The following TMEM108 variants were observed in gnomAD, a reference collection of about 807,000 sequenced individuals.
TMEM108 encodes the protein transmembrane protein 108.
In TMEM108, 12 loss-of-function variants were observed where a neutral mutation model predicts 35.1. The ratio of observed to expected loss-of-function variants is 0.34; its 90% confidence interval spans 0.22 to 0.55. TMEM108 has a LOEUF of 0.55. TMEM108 is among the 20% of genes least tolerant of loss of function. TMEM108 has a pLI of 0.89. For synonymous variants in TMEM108, 287 were observed against 308.6 expected (o/e 0.93, Z 0.73); for missense variants, 680 against 753.3 (o/e 0.90, Z 1.14).
At chr3:133,229,383 A>C in intron 3 of TMEM108, 32 bp downstream of exon 3, 1 of 1,606,066 alleles carries the variant, frequency 6.2e-7, no homozygotes, top group Non-Finnish European at 8.5e-7. Context: ...TCTTTCCTAA[A>C]ATATACTAAT....
chr3:133,191,091 A>T (rs1333173047), intron 2 of TMEM108, among the ~76,000 whole-genome samples: 1 of 152,172 alleles, frequency 6.6e-6, no homozygotes, highest in East Asian at 1.9e-4. Context: ...ATTTTTCATT[A>T]AAGTTAATTG....
intron 2 of TMEM108, among the ~76,000 whole-genome samples, chr3:133,075,811 GA>G (rs1458906731): frequency 2.7e-4 from 40 of 147,380 alleles, no homozygotes; most frequent in African/African-American, 1.0e-3. Flanking sequence ...GGGAAACAAG[GA>G]GATTCTCCTG....
chr3:133,137,406 A>T (rs1481289228), intron 2 of TMEM108, among the ~76,000 whole-genome samples: 1 of 152,146 alleles, frequency 6.6e-6, no homozygotes, highest in East Asian at 1.9e-4. Context: ...AATTAGTTTC[A>T]CCCAGGTGTT....
chr3:133,310,658 T>A (rs2071115242), intron 3 of TMEM108, among the ~76,000 whole-genome samples: 1 of 150,606 alleles, frequency 6.6e-6, no homozygotes, highest in East Asian at 2.0e-4. Context: ...AGCACACTGA[T>A]GAGTCTTGAC....
At chr3:133,117,910 A>G (rs573111508) in intron 2 of TMEM108, among the ~76,000 whole-genome samples, 2 of 152,276 alleles carry the variant, frequency 1.3e-5, no homozygotes, top group South Asian at 4.2e-4. Flanking sequence ...CAACTCTCCA[A>G]TCCACAAAAT....
intron 2 of TMEM108, among the ~76,000 whole-genome samples, chr3:133,190,988 T>C (rs1945489375): frequency 6.6e-6 from 1 of 151,084 alleles, no homozygotes; most frequent in South Asian, 2.1e-4. Flanking sequence ...AGCTGGTATT[T>C]CAATTAAATG....
At chr3:133,103,180 A>C (rs1944109260) in intron 2 of TMEM108, among the ~76,000 whole-genome samples, 1 of 152,244 alleles carries the variant, frequency 6.6e-6, no homozygotes, top group African/African-American at 2.4e-5. Context: ...ACATGGAATC[A>C]GCTGAAATGC....
intron 2 of TMEM108, among the ~76,000 whole-genome samples, chr3:133,090,262 T>G (rs1313866811): frequency 6.6e-6 from 1 of 152,216 alleles, no homozygotes; most frequent in East Asian, 1.9e-4. Flanking sequence ...ACAAAACACC[T>G]GGAACCAAGC....
intron 3 of TMEM108, among the ~76,000 whole-genome samples, chr3:133,339,032 A>G (rs1413887972): frequency 1.3e-5 from 2 of 151,996 alleles, no homozygotes; most frequent in African/African-American, 4.8e-5. Flanking sequence ...GAACACAGGA[A>G]GGAAGAAAAG....
At position 133,172,611 on chromosome 3, in the gene TMEM108, A is replaced by T. The variant is rs143728968; in HGVS notation, c.-46-56655A>T. Among the ~76,000 whole-genome samples, 125 of 152,338 alleles carry T rather than the reference A, an allele frequency of 8.2e-4. No individual in the cohort carries two copies. The East Asian group carries it at 0.019, about 23-fold the overall frequency. On this transcript the variant is annotated intron_variant, in intron 2 of 5. Coordinates refer to ENST00000321871, the MANE Select transcript of TMEM108 (RefSeq NM_023943.4). ...TATTTCAACATAACTATGCTTACAG[A>T]AATACAGTCATATTGGTTAATAGAA...
chr3:133,363,624 T>G (rs1010255983), intron 3 of TMEM108, among the ~76,000 whole-genome samples: 1 of 152,084 alleles, frequency 6.6e-6, no homozygotes, highest in African/African-American at 2.4e-5. Flanking sequence ...CAAGCTGGTT[T>G]TGAACTTGTG....
intron 3 of TMEM108, among the ~76,000 whole-genome samples, chr3:133,310,788 C>T (rs1265397965): frequency 6.6e-6 from 1 of 151,792 alleles, no homozygotes; most frequent in Non-Finnish European, 1.5e-5. Context: ...GTTATTTTGC[C>T]CGTTAATTGA....
chr3:133,165,321 A>AG (rs1945021264), intron 2 of TMEM108, among the ~76,000 whole-genome samples: 1 of 152,208 alleles, frequency 6.6e-6, no homozygotes. Flanking sequence ...GATCCTCCTG[A>AG]GGGACTAAAT....
At chr3:133,075,016 T>TC (rs1943723481) in intron 2 of TMEM108, among the ~76,000 whole-genome samples, 2 of 152,310 alleles carry the variant, frequency 1.3e-5, no homozygotes, top group East Asian at 1.9e-4. Context: ...CTCTCTTTTT[T>TC]CCCACTAAGC....
At chr3:133,321,196 A>C (rs996803617) in intron 3 of TMEM108, among the ~76,000 whole-genome samples, 6 of 152,068 alleles carry the variant, frequency 3.9e-5, no homozygotes, top group Non-Finnish European at 7.3e-5. Context: ...AATGGATTAA[A>C]TGTTCCACTT....
intron 3 of TMEM108, among the ~76,000 whole-genome samples, chr3:133,251,374 T>A (rs1328829462): frequency 6.6e-6 from 1 of 152,182 alleles, no homozygotes; most frequent in East Asian, 1.9e-4. Flanking sequence ...GGTTATAATA[T>A]GTTAAGATAA....
intron 5 of TMEM108, among the ~76,000 whole-genome samples, chr3:133,392,311 C>T (rs2089987): frequency 0.46 from 69,893 of 151,800 alleles, 16,316 homozygotes; most frequent in East Asian, 0.56. Context: ...TACAAGCACA[C>T]GCGACCACGC....
intron 3 of TMEM108, among the ~76,000 whole-genome samples, chr3:133,235,333 C>G (rs1049825531): frequency 7.3e-6 from 1 of 137,116 alleles, no homozygotes; most frequent in Non-Finnish European, 1.6e-5. Context: ...GGAGGCATCA[C>G]GCTACCTGAC....
At chr3:133,335,349 G>A (rs1405113398) in intron 3 of TMEM108, among the ~76,000 whole-genome samples, 1 of 152,030 alleles carries the variant, frequency 6.6e-6, no homozygotes. Context: ...ATCAAAAAAA[G>A]CAAAAGTCAG....
Sources: allele counts gnomAD v4.1 joint callset (sites outside exome capture counted in the v4.1 genomes callset), GRCh38; gene constraint gnomAD v4.1.1; transcripts MANE v1.5; gene names NCBI Gene and HGNC (gene_info 2026-07-23, HGNC 2026-07-21).